Variants in KAZN observed in about 807,000 individuals in gnomAD.
The protein encoded by KAZN is kazrin, periplakin interacting protein.
Under a neutral mutation model 87.4 loss-of-function variants are expected in KAZN, and 40 were observed. The ratio of observed to expected loss-of-function variants is 0.46; its 90% CI spans 0.36 to 0.60. The LOEUF is 0.60. Among genes scored for constraint, KAZN ranks in the 20% least tolerant of loss-of-function variants. KAZN has a pLI of 0.00. For missense variants in KAZN, 898 were observed against 1,073.9 expected, an observed-to-expected ratio of 0.84 and a Z score of 2.29; for synonymous variants, 466 against 458.3, an observed-to-expected ratio of 1.02 and a Z score of -0.22.
rs34698081 is a variant in KAZN, at chr1:14,725,460, CTT to C, written c.226+126249_226+126250del. 8.1e-4 allele frequency among the ~76,000 whole-genome samples: 118 copies of C among 146,166 alleles called. 1 individual carries two copies. Among genetic ancestry groups the C allele is most frequent in the South Asian group, 5.2e-3 (24 of 4,610 alleles). ...ATAAGTTTCATGAGGGTGGAGCTGT[CTT>C]TTTTTTTTTTTCTTTCTTTCTCCTT... is the stretch of plus-strand genomic sequence containing the variant. On this transcript the variant is annotated intron_variant, in intron 1 of 14. Coordinates refer to ENST00000376030, the MANE Select transcript of KAZN (RefSeq NM_201628.3).
At chr1:14,634,483 A>G (rs1243455858) in intron 1 of KAZN, among the ~76,000 whole-genome samples, 1 of 152,240 alleles carries the variant, frequency 6.6e-6, no homozygotes, top group South Asian at 2.1e-4. Context: ...CAGCACTGCA[A>G]ATAAGGTCCA....
At chr1:14,240,426 T>C (rs1648836854) in intron 2 of KAZN, among the ~76,000 whole-genome samples, 1 of 152,224 alleles carries the variant, frequency 6.6e-6, no homozygotes, top group African/African-American at 2.4e-5. Context: ...ACCTGGATTT[T>C]GGTGCCACTT....
At chr1:14,109,706 C>G (rs1264649490) in intron 1 of KAZN, among the ~76,000 whole-genome samples, 1 of 150,194 alleles carries the variant, frequency 6.7e-6, no homozygotes, top group Admixed American at 6.7e-5. Context: ...GGTAATTACT[C>G]TAATTTGCAG....
At chr1:14,948,645 T>A (rs1662115709) in intron 1 of KAZN, among the ~76,000 whole-genome samples, 1 of 152,178 alleles carries the variant, frequency 6.6e-6, no homozygotes, top group Non-Finnish European at 1.5e-5. Flanking sequence ...AAACGTCTGC[T>A]GCCCAGTCCA....
intron 1 of KAZN, among the ~76,000 whole-genome samples, chr1:14,960,343 A>G (rs899849109): frequency 1.3e-5 from 2 of 152,230 alleles, no homozygotes; most frequent in Non-Finnish European, 2.9e-5. Flanking sequence ...GATAATGCAT[A>G]TGAAACTCAA....
chr1:14,440,221 A>T (rs981755159), intron 2 of KAZN, among the ~76,000 whole-genome samples: 5 of 152,204 alleles, frequency 3.3e-5, no homozygotes, highest in Non-Finnish European at 4.4e-5. Context: ...CATGACTTTG[A>T]CAAATGCTAA....
chr1:14,496,953 T>C (rs1035790314), intron 2 of KAZN, among the ~76,000 whole-genome samples: 9 of 152,188 alleles, frequency 5.9e-5, no homozygotes, highest in Non-Finnish European at 1.0e-4. Flanking sequence ...TGCATTGATC[T>C]TAGAACTTGA....
chr1:14,684,659 CT>C (rs1557887937), intron 1 of KAZN, among the ~76,000 whole-genome samples: 1 of 152,190 alleles, frequency 6.6e-6, no homozygotes, highest in Non-Finnish European at 1.5e-5. Flanking sequence ...TTTTCCTTGG[CT>C]TGTGGCCCCT....
intron 4 of KAZN, among the ~76,000 whole-genome samples, chr1:15,055,452 C>A (rs1002699857): frequency 6.6e-6 from 1 of 152,118 alleles, no homozygotes; most frequent in African/African-American, 2.4e-5. Flanking sequence ...GTCTGGGCAA[C>A]AGAGTGAAAC....
At chr1:14,734,407 G>A (rs1643825773) in intron 1 of KAZN, among the ~76,000 whole-genome samples, 1 of 150,296 alleles carries the variant, frequency 6.7e-6, no homozygotes, top group Non-Finnish European at 1.5e-5. Context: ...GGGTTCAAGT[G>A]ATTCTCCTGC....
chr1:14,899,784 C>T (rs527838928), intron 1 of KAZN, among the ~76,000 whole-genome samples: 6 of 152,260 alleles, frequency 3.9e-5, no homozygotes, highest in South Asian at 4.2e-4. Flanking sequence ...CTGCCACCTC[C>T]GCTCCCTCGG....
chr1:13,911,545 T>A (rs1639651519), intron 1 of KAZN, among the ~76,000 whole-genome samples: 1 of 152,208 alleles, frequency 6.6e-6, no homozygotes, highest in Admixed American at 6.5e-5. Context: ...CAGGAGAAAC[T>A]ATTATAATCC....
At chr1:14,530,584 C>T (rs1267045599) in intron 2 of KAZN, among the ~76,000 whole-genome samples, 1 of 152,004 alleles carries the variant, frequency 6.6e-6, no homozygotes, top group Non-Finnish European at 1.5e-5. Flanking sequence ...TCTGAGTTCA[C>T]CTGACTTCCG....
At chr1:14,909,036 C>T (rs1296718142) in intron 1 of KAZN, among the ~76,000 whole-genome samples, 2 of 151,998 alleles carry the variant, frequency 1.3e-5, no homozygotes, top group Non-Finnish European at 2.9e-5. Context: ...CAGATACCGT[C>T]ATCATCTCAC....
chr1:14,395,893 G>A (rs1662855836), intron 2 of KAZN, among the ~76,000 whole-genome samples: 1 of 152,076 alleles, frequency 6.6e-6, no homozygotes, highest in Non-Finnish European at 1.5e-5. Flanking sequence ...TTAAAGTGGG[G>A]CTAGGTGGCT....
In KAZN at chr1:14,261,488, GT is replaced by G. The variant is rs201045555; in HGVS notation, c.249+80899del. On this transcript the variant is annotated intron_variant, in intron 2 of 16. Coordinates refer to the KAZN transcript ENST00000636203. ...AGATCAGATTTCTGATCATGAGTGTGTTTGCCTAGCTATTGATTTTCTGCGT... is the reference window on the plus strand; with the variant it reads ...AGATCAGATTTCTGATCATGAGTGTGTTGCCTAGCTATTGATTTTCTGCGT... 1.9e-4 allele frequency among the ~76,000 whole-genome samples: 29 copies of G among 152,314 alleles called. No homozygotes were observed. The East Asian group carries it at 5.6e-3, about 29-fold the overall frequency.
chr1:14,042,630 G>T (rs1426037857), intron 1 of KAZN, among the ~76,000 whole-genome samples: 11 of 152,126 alleles, frequency 7.2e-5, no homozygotes, highest in Admixed American at 6.5e-4. Flanking sequence ...TTGTACTTGG[G>T]TTTCTTTTTT....
chr1:14,076,289 A>C (rs577041427), intron 1 of KAZN, among the ~76,000 whole-genome samples: 3 of 152,072 alleles, frequency 2.0e-5, no homozygotes, highest in Admixed American at 6.5e-5. Flanking sequence ...TAAAAAAAAA[A>C]GGGAAAGGTA....
chr1:14,190,884 A>G (rs1198118844), intron 2 of KAZN, among the ~76,000 whole-genome samples: 1 of 152,218 alleles, frequency 6.6e-6, no homozygotes, highest in Non-Finnish European at 1.5e-5. Flanking sequence ...TAAAGTTCCA[A>G]GGTGTTTTGT....
Sources: allele counts gnomAD v4.1 joint callset (sites outside exome capture counted in the v4.1 genomes callset), GRCh38; gene constraint gnomAD v4.1.1; transcripts MANE v1.5; gene names NCBI Gene and HGNC (gene_info 2026-07-23, HGNC 2026-07-21).